Variants in SUN5 observed in about 807,000 individuals in gnomAD.
The protein encoded by SUN5 is SUN domain-containing protein 5.
A neutral mutation model predicts 53.7 loss-of-function variants in SUN5; 44 were observed. That is an observed-to-expected ratio of 0.82 (90% CI 0.64 to 1.05). The LOEUF (loss-of-function observed/expected upper bound fraction) is 1.05, where lower values mean the gene tolerates loss of function less well. Ranked by LOEUF, SUN5 falls within the 50% of genes least tolerant of loss-of-function variation. The probability of loss-of-function intolerance (pLI) is 0.00; values close to 1 mark genes in which losing one functional copy is unlikely to be tolerated. For missense variants in SUN5, 433 were observed against 483.8 expected, an observed-to-expected ratio of 0.90 and a Z score of 0.98; for synonymous variants, 166 against 179.8, an observed-to-expected ratio of 0.92 and a Z score of 0.62.
chr20:33,001,340 C>A (rs1014044950), intron 3 of SUN5, 62 bp from the exon 4 acceptor site: 58 of 1,539,746 alleles, frequency 3.8e-5, no homozygotes, highest in Non-Finnish European at 4.7e-5. Context: ...ACTACAAGGA[C>A]CTGCTGACCT....
At chr20:32,985,059 A>T in intron 12 of SUN5, 40 bp downstream of exon 12, 1 of 1,596,780 alleles carries the variant, frequency 6.3e-7, no homozygotes, top group Non-Finnish European at 8.6e-7. Context: ...CACACTGTGC[A>T]TTCAGCAGGT....
chr20:32,985,238 G>C, intron 11 of SUN5, 53 bp from the exon 12 acceptor site: 3 of 1,554,192 alleles, frequency 1.9e-6, no homozygotes, highest in Admixed American at 3.4e-5. Flanking sequence ...GGCCCTCAGA[G>C]GGTGTCTCCC....
intron 10 of SUN5, 52 bp from the exon 11 acceptor site, chr20:32,985,955 C>T: frequency 6.4e-7 from 1 of 1,571,608 alleles, no homozygotes; most frequent in East Asian, 2.2e-5. Context: ...GGGGGATCAT[C>T]CCACCTTTGA....
chr20:32,987,575 C>A, intron 10 of SUN5, 85 bp downstream of exon 10: 1 of 1,141,658 alleles, frequency 8.8e-7, no homozygotes, highest in Non-Finnish European at 1.2e-6. Flanking sequence ...TGCTCCCACC[C>A]CCTACCTCTT....
intron 4 of SUN5, among the ~76,000 whole-genome samples, chr20:33,000,843 TAAAA>T (rs538864856): frequency 0.049 from 5,201 of 107,232 alleles, 336 homozygotes; most frequent in African/African-American, 0.16. Flanking sequence ...AAACCCTGTC[TAAAA>T]AAAAAAAAAA....
At chr20:32,999,789 C>T (rs890766086) in intron 5 of SUN5, 4 of 866,958 alleles carry the variant, frequency 4.6e-6, no homozygotes, top group South Asian at 3.5e-5. Flanking sequence ...CTGTGTTGTG[C>T]GAGGTGGGGG....
At chr20:32,994,889 C>T (rs112641807) in intron 8 of SUN5, among the ~76,000 whole-genome samples, 37 of 150,742 alleles carry the variant, frequency 2.5e-4, no homozygotes, top group African/African-American at 8.5e-4. Context: ...GAACTAAATG[C>T]ATGGATTTAA....
intron 9 of SUN5, among the ~76,000 whole-genome samples, chr20:32,989,145 T>C (rs1421940125): frequency 6.6e-6 from 1 of 151,668 alleles, no homozygotes; most frequent in Non-Finnish European, 1.5e-5. Flanking sequence ...CAGGATGGTC[T>C]CGATCTCCTG....
intron 8 of SUN5, among the ~76,000 whole-genome samples, chr20:32,994,068 C>T (rs991728505): frequency 2.0e-5 from 3 of 152,196 alleles, no homozygotes; most frequent in African/African-American, 4.8e-5. Context: ...CATTTGGAGA[C>T]TTGTGAGGCC....
At chr20:32,985,466 C>T (rs1043021573) in intron 11 of SUN5, among the ~76,000 whole-genome samples, 1 of 152,040 alleles carries the variant, frequency 6.6e-6, no homozygotes, top group Non-Finnish European at 1.5e-5. Context: ...GATAACGCTT[C>T]GGACCTTCTT....
chr20:32,995,497 C>T, intron 8 of SUN5, 122 bp downstream of exon 8: 1 of 758,874 alleles, frequency 1.3e-6, no homozygotes, highest in Admixed American at 2.5e-5. Context: ...TCCTGAAAGT[C>T]ACTGGGGGAT....
intron 10 of SUN5, among the ~76,000 whole-genome samples, chr20:32,986,732 G>A (rs1989551271): frequency 6.6e-6 from 1 of 152,188 alleles, no homozygotes; most frequent in Non-Finnish European, 1.5e-5. Context: ...CAGAGTCTTG[G>A]CTGGGCTGCT....
At chr20:32,984,953 G>C (rs1989494404) in intron 12 of SUN5, 146 bp downstream of exon 12, 1 of 803,716 alleles carries the variant, frequency 1.2e-6, no homozygotes, top group Non-Finnish European at 2.0e-6. Flanking sequence ...CCTACTCTCT[G>C]AGCCTCAGTT....
intron 4 of SUN5, among the ~76,000 whole-genome samples, chr20:33,000,903 T>C (rs1284567371): frequency 6.9e-6 from 1 of 144,858 alleles, no homozygotes; most frequent in Non-Finnish European, 1.5e-5. Context: ...GGAATAGGAA[T>C]AGGAATGGTG....
In SUN5 at chr20:32,987,789, G is replaced by A. The variant is rs768506775; in HGVS notation, c.614-14C>T. Reference sequence around the variant, plus strand: ...CAATGCTGGCCCCTGTATAGGAGAAGGGGGTCTCAGCCAAGCAGCCGGGCT... The same window carrying A: ...CAATGCTGGCCCCTGTATAGGAGAAAGGGGTCTCAGCCAAGCAGCCGGGCT... On this transcript the variant is annotated splice_polypyrimidine_tract_variant and intron_variant, in intron 9 of 12. Coordinates refer to ENST00000356173, the MANE Select transcript of SUN5 (RefSeq NM_080675.4). 11 of 1,605,084 alleles carry A rather than the reference G, an allele frequency of 6.9e-6. No homozygotes were observed. Among genetic ancestry groups the A allele is most frequent in the Non-Finnish European group, 9.4e-6 (11 of 1,175,296 alleles).
intron 9 of SUN5, among the ~76,000 whole-genome samples, chr20:32,989,244 G>A (rs1034965479): frequency 8.5e-5 from 13 of 152,200 alleles, no homozygotes; most frequent in Admixed American, 8.5e-4. Context: ...ATTCTTGACT[G>A]CGGGTTGGAG....
intron 8 of SUN5, among the ~76,000 whole-genome samples, chr20:32,990,015 C>A (rs1023299556): frequency 6.6e-6 from 1 of 152,148 alleles, no homozygotes; most frequent in African/African-American, 2.4e-5. Context: ...CAACTTACTG[C>A]CCCTCTGAGT....
chr20:32,997,786 A>T (rs1402000620), intron 5 of SUN5, 99 bp from the exon 6 acceptor site: 2 of 1,305,768 alleles, frequency 1.5e-6, no homozygotes, highest in Non-Finnish European at 2.2e-6. Flanking sequence ...CAGCTATGCC[A>T]CTTGCCAGCA....
chr20:32,994,640 T>G (rs989524618), intron 8 of SUN5, among the ~76,000 whole-genome samples: 5 of 152,200 alleles, frequency 3.3e-5, no homozygotes. Flanking sequence ...GGCTCACGTC[T>G]GTAATCTTAG....
Sources: gnomAD v4.1 joint callset for allele counts (sites outside exome capture counted in the v4.1 genomes callset) on GRCh38, gnomAD v4.1.1 for gene constraint, MANE v1.5 for transcripts, NCBI Gene and HGNC (gene_info 2026-07-23, HGNC 2026-07-21) for gene names.